PXDNL: variants seen among roughly 807,000 people sequenced by gnomAD.
The protein encoded by PXDNL is peroxidasin like, also known as probable oxidoreductase PXDNL.
PXDNL carries 145 observed loss-of-function variants against 150.8 expected under a neutral mutation model. The ratio of observed to expected loss-of-function variants is 0.96; its 90% CI spans 0.84 to 1.10. The LOEUF (loss-of-function observed/expected upper bound fraction) is 1.10, where lower values mean the gene tolerates loss of function less well. PXDNL is among the 50% of genes least tolerant of loss of function. The probability of loss-of-function intolerance (pLI) is 0.00; values close to 1 mark genes in which losing one functional copy is unlikely to be tolerated. For missense variants in PXDNL, 2,087 were observed against 1,873.9 expected, an observed-to-expected ratio of 1.11 and a Z score of -2.10; for synonymous variants, 757 against 725.7, an observed-to-expected ratio of 1.04 and a Z score of -0.69.
chr8:51,487,353 C>T (rs1810789689), intron 5 of PXDNL, among the ~76,000 whole-genome samples: 1 of 151,874 alleles, frequency 6.6e-6, no homozygotes, highest in Non-Finnish European at 1.5e-5. Flanking sequence ...CCTTGAAAAT[C>T]CAGGAGACTT....
At chr8:51,628,399 CTT>C (rs71550276) in intron 2 of PXDNL, among the ~76,000 whole-genome samples, 9 of 69,786 alleles carry the variant, frequency 1.3e-4, no homozygotes, top group South Asian at 7.6e-4. Flanking sequence ...CTTTTCTTTT[CTT>C]TTTTTTTTTT....
chr8:51,538,309 T>C (rs973014250), intron 4 of PXDNL, among the ~76,000 whole-genome samples: 3 of 152,232 alleles, frequency 2.0e-5, no homozygotes, highest in Admixed American at 6.5e-5. Flanking sequence ...TTCATTTGTC[T>C]GTACATTTAT....
intron 18 of PXDNL, among the ~76,000 whole-genome samples, chr8:51,372,404 G>A (rs982147781): frequency 5.9e-5 from 9 of 151,756 alleles, no homozygotes; most frequent in South Asian, 2.1e-4. Context: ...TTTTTGAGAC[G>A]GAGTCTCATT....
At chr8:51,575,469 C>T (rs1227156528) in intron 3 of PXDNL, among the ~76,000 whole-genome samples, 1 of 152,100 alleles carries the variant, frequency 6.6e-6, no homozygotes, top group Admixed American at 6.6e-5. Context: ...AATCCCAGCA[C>T]ATTGGGAGGC....
intron 1 of PXDNL, among the ~76,000 whole-genome samples, chr8:51,672,261 C>T (rs933630153): frequency 6.6e-6 from 1 of 152,192 alleles, no homozygotes; most frequent in Non-Finnish European, 1.5e-5. Context: ...GGATTAGAGG[C>T]ATGAGCCACC....
intron 12 of PXDNL, among the ~76,000 whole-genome samples, chr8:51,429,996 G>C (rs79726868): frequency 1.4e-4 from 22 of 152,052 alleles, no homozygotes; most frequent in Non-Finnish European, 2.2e-4. Flanking sequence ...GAGAACCAGG[G>C]TCAGCCTACG....
chr8:51,575,206 G>C (rs1813024216), intron 3 of PXDNL, among the ~76,000 whole-genome samples: 1 of 151,864 alleles, frequency 6.6e-6, no homozygotes, highest in South Asian at 2.1e-4. Flanking sequence ...GATAAATTAT[G>C]TATATGTATT....
intron 1 of PXDNL, among the ~76,000 whole-genome samples, chr8:51,670,283 A>T (rs1441463409): frequency 6.6e-6 from 1 of 152,184 alleles, no homozygotes; most frequent in Non-Finnish European, 1.5e-5. Context: ...TGGAAGAATT[A>T]CATGAAGAGA....
Position 51,409,265 on chromosome 8 carries a change from A to C in PXDNL, c.2359T>G (p.Trp787Gly). The change falls in exon 17 of 23, where the codon TGG (tryptophan) becomes GGG (glycine). Residue 787 changes from tryptophan (W) to glycine (G), a missense_variant. Physicochemically the swap from Trp to Gly is radical, Grantham distance 184. Transcript: ENST00000356297. ...LPPPRLVATV[W>G]ARAAAVTPDH... ...GGGGTGACGGCCGCCGCGCGCGCCC[A>C]CACTGTGGCGACCAGCCGGGGCGGC... The C allele has an allele frequency of 6.8e-7, 1 of 1,460,934 alleles. No homozygotes were observed. The highest frequency in any genetic ancestry group is 9.0e-7 in the Non-Finnish European group (1 of 1,111,450). 90.5% of individuals were successfully genotyped at this position (1,460,934 alleles called of 1,614,324 possible). A position where few individuals can be genotyped will look rare whatever the true frequency, so the allele number is the denominator to read the frequency against.
At chr8:51,434,836 A>AT (rs367822941) in intron 12 of PXDNL, among the ~76,000 whole-genome samples, 59 of 152,328 alleles carry the variant, frequency 3.9e-4, no homozygotes, top group Middle Eastern at 3.4e-3. Context: ...ATATATCTTG[A>AT]TTTTAGCATT....
intron 1 of PXDNL, among the ~76,000 whole-genome samples, chr8:51,752,411 C>A (rs1226546497): frequency 2.0e-5 from 3 of 152,150 alleles, no homozygotes; most frequent in African/African-American, 2.4e-5. Flanking sequence ...CTATGCAAGA[C>A]TCTTGGTGGG....
chr8:51,796,882 T>G (rs979807552), intron 1 of PXDNL, among the ~76,000 whole-genome samples: 2 of 152,166 alleles, frequency 1.3e-5, no homozygotes, highest in Non-Finnish European at 2.9e-5. Flanking sequence ...AAAAGAGAAC[T>G]TCAGGCCAAT....
intron 1 of PXDNL, among the ~76,000 whole-genome samples, chr8:51,775,360 C>A (rs1167898774): frequency 6.6e-6 from 1 of 152,156 alleles, no homozygotes; most frequent in Non-Finnish European, 1.5e-5. Flanking sequence ...CCAAAACCAA[C>A]TTAAATGGCT....
At chr8:51,356,471 A>T (rs937303004) in intron 19 of PXDNL, among the ~76,000 whole-genome samples, 1 of 148,932 alleles carries the variant, frequency 6.7e-6, no homozygotes, top group Non-Finnish European at 1.5e-5. Flanking sequence ...TGGTGATAAG[A>T]GTGAAACTCC....
At chr8:51,583,066 C>T (rs1239033255) in intron 3 of PXDNL, among the ~76,000 whole-genome samples, 3 of 152,146 alleles carry the variant, frequency 2.0e-5, no homozygotes, top group African/African-American at 7.2e-5. Flanking sequence ...ATATTTTTCT[C>T]ACAGGGAACC....
At chr8:51,779,552 T>C (rs2037390120) in intron 1 of PXDNL, among the ~76,000 whole-genome samples, 1 of 152,184 alleles carries the variant, frequency 6.6e-6, no homozygotes, top group South Asian at 2.1e-4. Context: ...GGAGAAAGCC[T>C]GTGCCCAGAG....
chr8:51,422,899 T>C (rs16916228), intron 14 of PXDNL, among the ~76,000 whole-genome samples: 7,829 of 152,298 alleles, frequency 0.051, 341 homozygotes, highest in African/African-American at 0.11. Context: ...TGAGTTTCAG[T>C]ACAGTCTACT....
At chr8:51,448,251 G>A (rs990285595) in intron 11 of PXDNL, among the ~76,000 whole-genome samples, 2 of 152,184 alleles carry the variant, frequency 1.3e-5, no homozygotes, top group Admixed American at 1.3e-4. Flanking sequence ...CCTTGGTGGG[G>A]CATAGGGGGT....
chr8:51,518,469 A>G (rs1265340202), intron 4 of PXDNL, among the ~76,000 whole-genome samples: 1 of 152,216 alleles, frequency 6.6e-6, no homozygotes, highest in Non-Finnish European at 1.5e-5. Flanking sequence ...AAAACTGTGG[A>G]ATACAGCTGA....
Sources: allele counts gnomAD v4.1 joint callset (sites outside exome capture counted in the v4.1 genomes callset), GRCh38; gene constraint gnomAD v4.1.1; transcripts MANE v1.5; gene names NCBI Gene and HGNC (gene_info 2026-07-23, HGNC 2026-07-21).